PTPRJ: variants seen among roughly 807,000 people sequenced by gnomAD.
PTPRJ encodes the protein receptor-type tyrosine-protein phosphatase eta.
In PTPRJ, 129 loss-of-function variants were observed where a neutral mutation model predicts 141.3. The observed-to-expected ratio is 0.91, with a 90% CI of 0.79 to 1.06. PTPRJ has a LOEUF of 1.06. Ranked by LOEUF, PTPRJ falls within the 50% of genes least tolerant of loss-of-function variation. The pLI is 0.00. For synonymous variants in PTPRJ, 610 were observed against 640.5 expected (o/e 0.95, Z 0.72); for missense variants, 1,601 against 1,679.7 (o/e 0.95, Z 0.82).
At chr11:48,043,562 G>A (rs549131640) in intron 1 of PTPRJ, among the ~76,000 whole-genome samples, 31 of 152,328 alleles carry the variant, frequency 2.0e-4, no homozygotes, top group African/African-American at 6.5e-4. Flanking sequence ...ACCAGAACAA[G>A]TGCCACCTGT....
intron 18 of PTPRJ, among the ~76,000 whole-genome samples, chr11:48,151,506 C>A (rs1200332587): frequency 6.6e-6 from 1 of 151,086 alleles, no homozygotes; most frequent in Non-Finnish European, 1.5e-5. Context: ...GCACAACATG[C>A]AGGTTTGTTA....
chr11:48,074,791 GTAA>G (rs1372856962), intron 1 of PTPRJ, among the ~76,000 whole-genome samples: 1 of 152,058 alleles, frequency 6.6e-6, no homozygotes, highest in Non-Finnish European at 1.5e-5. Flanking sequence ...TAGTTTTTAG[GTAA>G]TTCTGAGAAT....
Position 48,139,445 on chromosome 11 carries a change from A to G in PTPRJ, c.2153-41A>G, listed in dbSNP as rs557249353. 26 of 1,596,866 alleles carry G rather than the reference A, an allele frequency of 1.6e-5. No homozygotes were observed. In the African/African-American group the frequency reaches 2.4e-4, roughly 15 times the overall value. ...CCCTATTTCCATGTTTGCAAAGGCA[A>G]AAGTCCCGGAATCTCATGCTGTGCT... On this transcript the variant is annotated intron_variant, in intron 10 of 24. Transcript: ENST00000418331.
intron 1 of PTPRJ, among the ~76,000 whole-genome samples, chr11:48,008,273 T>C (rs1187362406): frequency 6.6e-6 from 1 of 152,210 alleles, no homozygotes; most frequent in Non-Finnish European, 1.5e-5. Context: ...TATTTATTTA[T>C]TTTTTGAGAC....
intron 24 of PTPRJ, among the ~76,000 whole-genome samples, chr11:48,166,605 G>A (rs191790078): frequency 3.7e-4 from 57 of 152,230 alleles, no homozygotes; most frequent in African/African-American, 1.2e-3. Context: ...AGGAGCCACC[G>A]CGCCTGGCCA....
intron 1 of PTPRJ, among the ~76,000 whole-genome samples, chr11:48,033,834 A>C (rs141873604): frequency 3.2e-4 from 48 of 152,306 alleles, no homozygotes; most frequent in African/African-American, 1.2e-3. Context: ...GGGAACTAGG[A>C]AGACACCTAC....
chr11:48,113,134 T>A (rs929345517), intron 3 of PTPRJ, 151 bp downstream of exon 3: 2 of 615,094 alleles, frequency 3.3e-6, no homozygotes, highest in Admixed American at 3.1e-5. Context: ...ATTCATTATA[T>A]AAAACATAGA....
intron 1 of PTPRJ, among the ~76,000 whole-genome samples, chr11:48,073,935 CAT>C (rs1192176202): frequency 6.6e-6 from 1 of 152,106 alleles, no homozygotes; most frequent in African/African-American, 2.4e-5. Context: ...ATATTTAAAA[CAT>C]ATTAAACTTT....
In PTPRJ at chr11:48,163,598, G is replaced by A. The variant is rs372451943; in HGVS notation, c.3699G>A (p.Ser1233=). The A allele has an allele frequency of 1.2e-4, 199 of 1,613,620 alleles. No individual in the cohort carries two copies. The highest frequency in any genetic ancestry group is 1.5e-4 in the Non-Finnish European group (179 of 1,179,676). ...RDYMKQSPPE[S]PILVHCSAGV... is the part of the protein sequence containing the mutation. ...ACATGAAGCAGAGTCCTCCCGAATC[G>A]CCGATTCTGGTGCATTGCAGGTACG... Residue 1233 remains serine (S), a synonymous_variant, in exon 23 of 25, where the codon TCG becomes TCA. Coordinates refer to ENST00000418331, the MANE Select transcript of PTPRJ (RefSeq NM_002843.4).
At chr11:48,068,002 G>A (rs1205023871) in intron 1 of PTPRJ, among the ~76,000 whole-genome samples, 6 of 152,192 alleles carry the variant, frequency 3.9e-5, no homozygotes, top group African/African-American at 1.4e-4. Context: ...GACTGGGCCT[G>A]CTTAGGAGAT....
chr11:48,114,165 A>C (rs964001450), intron 3 of PTPRJ, among the ~76,000 whole-genome samples: 1 of 152,194 alleles, frequency 6.6e-6, no homozygotes, highest in African/African-American at 2.4e-5. Context: ...GGGGCTGGGC[A>C]CAGTGGCTCA....
At chr11:48,010,926 C>G (rs144390514) in intron 1 of PTPRJ, among the ~76,000 whole-genome samples, 9 of 151,804 alleles carry the variant, frequency 5.9e-5, no homozygotes, top group African/African-American at 1.9e-4. Context: ...GTCATCCTTC[C>G]GCTTCAGCCA....
chr11:48,094,947 G>A (rs780337663), intron 1 of PTPRJ, among the ~76,000 whole-genome samples: 1 of 152,146 alleles, frequency 6.6e-6, no homozygotes. Context: ...CAGCCCTGAG[G>A]GGGTGAGGGC....
At position 48,158,013 on chromosome 11, in the gene PTPRJ, G is replaced by A. The variant is rs1857654782; in HGVS notation, c.3438+1894G>A. Among the ~76,000 whole-genome samples, 2 of 152,054 alleles carry A rather than the reference G, an allele frequency of 1.3e-5. No individual in the cohort carries two copies. The highest frequency in any genetic ancestry group is 2.1e-4 in the South Asian group (1 of 4,818). ...CTAAAAACACAAAAATTAGCCAGGC[G>A]TGGTGGTGCATGCCTGTAATCCCAG... On this transcript the variant is annotated intron_variant, in intron 21 of 24. Coordinates refer to ENST00000418331, the MANE Select transcript of PTPRJ (RefSeq NM_002843.4). This position sits in a 1 kb window ranked among gnomAD's most constrained non-coding sequence, Gnocchi z 4.4.
intron 1 of PTPRJ, among the ~76,000 whole-genome samples, chr11:48,052,891 G>T (rs915369692): frequency 2.6e-5 from 4 of 151,420 alleles, no homozygotes; most frequent in Non-Finnish European, 4.4e-5. Flanking sequence ...TATGCAGTAC[G>T]TGGGCCACCA....
At position 48,110,069 on chromosome 11, in the gene PTPRJ, AG is replaced by A; in HGVS notation, c.110del (p.Gly37ValfsTer12). On this transcript the variant is annotated frameshift_variant, in exon 2 of 25. Coordinates refer to ENST00000418331, the MANE Select transcript of PTPRJ (RefSeq NM_002843.4). LOFTEE classifies it high-confidence loss of function. The part of the protein sequence containing the change: ...LLRLGQILCA[G>X]GTPSPIPDPS... ...TTTTTCTGTTTCAGATCCTGTGCGC[AG>A]GTGGCAGTGAGTACCCTTTTCCTCT... 1 of 1,614,002 alleles carries A rather than the reference AG, an allele frequency of 6.2e-7. No homozygotes were observed. Among genetic ancestry groups the A allele is most frequent in the Non-Finnish European group, 8.5e-7 (1 of 1,179,880 alleles).
At position 48,167,315 on chromosome 11, in the gene PTPRJ, C is replaced by T; in HGVS notation, c.3967C>T (p.Leu1323Phe). 6.2e-7 allele frequency: 1 copy of T among 1,614,100 alleles called. No homozygotes were observed. The change falls in exon 25 of 25, where the codon CTT (leucine) becomes TTT (phenylalanine). Residue 1323 changes from leucine to phenylalanine, a missense_variant. Leu to Phe is a conservative substitution (Grantham distance 22). Transcript: ENST00000418331. ...NTTAMTIYEN[L>F]APVTTFGKTN... ...AACTGCAATGACAATCTATGAAAAC[C>T]TTGCGCCCGTGACCACATTTGGAAA...
Position 48,130,645 on chromosome 11 carries a change from A to G in PTPRJ, c.1544A>G (p.Tyr515Cys). The change falls in exon 8 of 25, where the codon TAT (tyrosine) becomes TGT (cysteine). Residue 515 changes from tyrosine to cysteine, a missense_variant. Physicochemically the swap from Tyr to Cys is radical, Grantham distance 194 (BLOSUM62 -2). Transcript: ENST00000418331. ...IIGGLFPGTK[Y>C]CFEIVPKGPN... is the part of the protein sequence containing the mutation. ...GGTGGCTTGTTCCCTGGAACCAAGT[A>G]TTGCTTTGAAATAGTTCCAAAAGGA... is the stretch of plus-strand genomic sequence containing the variant. The G allele has an allele frequency of 1.2e-6, 2 of 1,614,042 alleles. No individual in the cohort carries two copies. Among genetic ancestry groups the G allele is most frequent in the South Asian group, 2.2e-5 (2 of 91,078 alleles).
chr11:48,025,421 C>T (rs1853781056), intron 1 of PTPRJ, among the ~76,000 whole-genome samples: 1 of 152,160 alleles, frequency 6.6e-6, no homozygotes, highest in African/African-American at 2.4e-5. Flanking sequence ...TGCCTGCTGG[C>T]CTCTGAGCAG....
Sources: gnomAD v4.1 joint callset for allele counts (sites outside exome capture counted in the v4.1 genomes callset) on GRCh38, gnomAD v4.1.1 for gene constraint, Gnocchi (gnomAD v3.1) non-coding constraint, MANE v1.5 for transcripts, NCBI Gene and HGNC (gene_info 2026-07-23, HGNC 2026-07-21) for gene names.